The following MARCHF4 variants were observed in gnomAD, a reference collection of about 807,000 sequenced individuals.
MARCHF4 encodes the protein E3 ubiquitin-protein ligase MARCHF4.
A neutral mutation model predicts 43.9 loss-of-function variants in MARCHF4; 14 were observed. The ratio of observed to expected loss-of-function variants is 0.32; its 90% CI spans 0.21 to 0.50. The LOEUF (loss-of-function observed/expected upper bound fraction) is 0.50, where lower values mean the gene tolerates loss of function less well. Ranked by LOEUF, MARCHF4 falls within the 20% of genes least tolerant of loss-of-function variation. The pLI is 0.98. For missense variants in MARCHF4, 468 were observed against 536.7 expected, an observed-to-expected ratio of 0.87 and a Z score of 1.27; for synonymous variants, 226 against 213.3, an observed-to-expected ratio of 1.06 and a Z score of -0.52.
chr2:216,294,183 C>T (rs1691355775), intron 1 of MARCHF4, among the ~76,000 whole-genome samples: 2 of 152,320 alleles, frequency 1.3e-5, no homozygotes, highest in South Asian at 4.1e-4. Context: ...TCTTTCTTTC[C>T]CAGAAATCAA....
At chr2:216,260,290 TCGG>T (rs1410612025) in intron 3 of MARCHF4, among the ~76,000 whole-genome samples, 1 of 152,224 alleles carries the variant, frequency 6.6e-6, no homozygotes, top group Non-Finnish European at 1.5e-5. Context: ...GATACTGCAG[TCGG>T]CAGGACACCC....
intron 1 of MARCHF4, among the ~76,000 whole-genome samples, chr2:216,365,974 T>C (rs982610283): frequency 1.3e-4 from 20 of 152,198 alleles, no homozygotes; most frequent in African/African-American, 4.1e-4. Flanking sequence ...TAGAGCATTA[T>C]AAATCTGCAA....
chr2:216,348,816 A>G (rs751916654), intron 1 of MARCHF4, among the ~76,000 whole-genome samples: 8 of 152,114 alleles, frequency 5.3e-5, no homozygotes, highest in Non-Finnish European at 1.2e-4. Context: ...AGACATATTC[A>G]CTGCACAATG....
intron 1 of MARCHF4, among the ~76,000 whole-genome samples, chr2:216,320,148 G>T (rs1691856250): frequency 6.6e-6 from 1 of 152,144 alleles, no homozygotes; most frequent in African/African-American, 2.4e-5. Flanking sequence ...GAACATAAGG[G>T]ACTCATTATT....
Position 216,259,448 on chromosome 2 carries a change from C to T in MARCHF4, c.1097G>A (p.Gly366Asp). The change falls in exon 4 of 4, where the codon GGC becomes GAC. Residue 366 changes from glycine to aspartate, a missense_variant. Physicochemically the swap from Gly to Asp is moderately conservative, Grantham distance 94. Coordinates refer to ENST00000273067, the MANE Select transcript of MARCHF4 (RefSeq NM_020814.3). ...ATGGGACAGAGGGCCTGAGGGGTGG[C>T]CGGCAGCCTGGGCAGGGCCCTGCTC... Reference protein sequence around the residue: ...APEQGPAQAAGHPSGPLSHHH... With the variant: ...APEQGPAQAADHPSGPLSHHH... 3 of 1,614,074 alleles carry T rather than the reference C, an allele frequency of 1.9e-6. No homozygotes were observed. The highest frequency in any genetic ancestry group is 1.7e-4 in the Middle Eastern group (1 of 6,060).
intron 3 of MARCHF4, among the ~76,000 whole-genome samples, chr2:216,273,959 C>G (rs1367559126): frequency 6.6e-6 from 1 of 152,120 alleles, no homozygotes; most frequent in Non-Finnish European, 1.5e-5. Context: ...CAAACTGCAC[C>G]CTGGGTTGGC....
chr2:216,331,277 G>A (rs947510337), intron 1 of MARCHF4, among the ~76,000 whole-genome samples: 2 of 151,704 alleles, frequency 1.3e-5, no homozygotes, highest in Admixed American at 6.6e-5. Context: ...AAACTTTCTA[G>A]AAAAGCACAA....
In MARCHF4 at chr2:216,259,480, AG is replaced by A. The variant is rs1690705021; in HGVS notation, c.1064del (p.Pro355LeufsTer31). The A allele has an allele frequency of 6.2e-7, 1 of 1,614,048 alleles. No homozygotes were observed. The highest frequency in any genetic ancestry group is 8.5e-7 in the Non-Finnish European group (1 of 1,180,016). ...CCTGGGCAGGGCCCTGCTCAGGGGC[AG>A]GGGTGCCTGCGGTCTCCTCTTCCGA... The part of the protein sequence containing the change: ...PSSEEETAGT[P>X]APEQGPAQAA... On this transcript the variant is annotated frameshift_variant, in exon 4 of 4. Transcript: ENST00000273067. LOFTEE classifies it high-confidence loss of function.
chr2:216,281,689 G>A (rs1451431349), intron 2 of MARCHF4, among the ~76,000 whole-genome samples: 2 of 152,160 alleles, frequency 1.3e-5, no homozygotes, highest in Non-Finnish European at 2.9e-5. Context: ...CCTTCTTCCA[G>A]TGCTATCCAG....
At chr2:216,287,770 C>G (rs1454492953) in intron 1 of MARCHF4, among the ~76,000 whole-genome samples, 1 of 151,198 alleles carries the variant, frequency 6.6e-6, no homozygotes, top group Non-Finnish European at 1.5e-5. Flanking sequence ...CACATGTACC[C>G]TAAAACTTAA....
intron 1 of MARCHF4, among the ~76,000 whole-genome samples, chr2:216,296,878 A>G (rs751813691): frequency 5.3e-5 from 8 of 152,146 alleles, no homozygotes; most frequent in Admixed American, 1.3e-4. Context: ...CTAGGAAAAA[A>G]TTGAAGACCA....
At chr2:216,286,016 C>T (rs796469095) in intron 1 of MARCHF4, among the ~76,000 whole-genome samples, 3 of 152,234 alleles carry the variant, frequency 2.0e-5, no homozygotes, top group African/African-American at 7.2e-5. Context: ...TAACAAGACC[C>T]GGGCTCTGGT....
intron 3 of MARCHF4, among the ~76,000 whole-genome samples, chr2:216,269,916 A>C (rs1278672984): frequency 6.6e-6 from 1 of 152,114 alleles, no homozygotes; most frequent in Non-Finnish European, 1.5e-5. Context: ...ACTGTCCCTT[A>C]CTTGGTTAGT....
intron 1 of MARCHF4, among the ~76,000 whole-genome samples, chr2:216,314,426 C>T (rs756178293): frequency 1.3e-5 from 2 of 151,462 alleles, no homozygotes; most frequent in Non-Finnish European, 2.9e-5. Context: ...AGGGTTCAAG[C>T]AATTCTCCCA....
intron 1 of MARCHF4, among the ~76,000 whole-genome samples, chr2:216,296,288 G>A (rs1194383867): frequency 6.6e-6 from 1 of 152,242 alleles, no homozygotes; most frequent in African/African-American, 2.4e-5. Context: ...AGAGGTTGCA[G>A]TGGGCTGAGA....
chr2:216,303,970 C>G (rs922465342), intron 1 of MARCHF4, among the ~76,000 whole-genome samples: 3 of 152,082 alleles, frequency 2.0e-5, no homozygotes, highest in Non-Finnish European at 4.4e-5. Context: ...GAAATGGCAC[C>G]AACAGCTACT....
chr2:216,275,505 G>A (rs990181448), intron 3 of MARCHF4, among the ~76,000 whole-genome samples: 1 of 152,194 alleles, frequency 6.6e-6, no homozygotes, highest in African/African-American at 2.4e-5. Context: ...AATGAGCACT[G>A]GGTTGTGAGT....
intron 1 of MARCHF4, among the ~76,000 whole-genome samples, chr2:216,369,256 T>C (rs57431764): frequency 0.098 from 14,976 of 152,152 alleles, 887 homozygotes; most frequent in South Asian, 0.26. Flanking sequence ...TTGTCCAAAG[T>C]AAAAGAACAA....
chr2:216,259,486 G>T lies in MARCHF4; in HGVS notation c.1059C>A (p.Gly353=). The change falls in exon 4 of 4, where the codon GGC becomes GGA. Residue 353 remains glycine, a synonymous_variant. Transcript: ENST00000273067. The stretch of plus-strand genomic sequence containing the variant: ...CAGGGCCCTGCTCAGGGGCAGGGGT[G>T]CCTGCGGTCTCCTCTTCCGAGGAGG... ...NIPSSEEETA[G]TPAPEQGPAQ... 1 of 1,614,220 alleles carries T rather than the reference G, an allele frequency of 6.2e-7. No individual in the cohort carries two copies. Among genetic ancestry groups the T allele is most frequent in the Non-Finnish European group, 8.5e-7 (1 of 1,180,038 alleles).
Sources: gnomAD v4.1 joint callset for allele counts (sites outside exome capture counted in the v4.1 genomes callset) on GRCh38, gnomAD v4.1.1 for gene constraint, MANE v1.5 for transcripts, NCBI Gene and HGNC (gene_info 2026-07-23, HGNC 2026-07-21) for gene names.